MATCAP1: variants seen among roughly 807,000 people sequenced by gnomAD.
The protein encoded by MATCAP1 is microtubule associated tyrosine carboxypeptidase 1.
chr16:67,180,842 G>T, the MATCAP1 span, among the ~76,000 whole-genome samples: 1 of 152,192 alleles, frequency 6.6e-6, no homozygotes, highest in African/African-American at 2.4e-5. Flanking sequence ...AATATGCTGG[G>T]CCGGAAGAAA....
chr16:67,177,927 G>A, the MATCAP1 span: 3 of 1,273,706 alleles, frequency 2.4e-6, no homozygotes, highest in Non-Finnish European at 3.4e-6. Context: ...CCAGCCCTCG[G>A]TCTAGCACCA....
the MATCAP1 span, chr16:67,179,998 T>A: frequency 6.2e-7 from 1 of 1,613,082 alleles, no homozygotes; most frequent in Non-Finnish European, 8.5e-7. This position sits in a 1 kb window ranked among gnomAD's most constrained non-coding sequence, Gnocchi z 5.2. Context: ...GACAAGCCCC[T>A]TGGGTGGTCA....
chr16:67,180,732 T>C, the MATCAP1 span: 1 of 593,814 alleles, frequency 1.7e-6, no homozygotes, highest in Non-Finnish European at 2.7e-6. Flanking sequence ...CAGCAGGCCC[T>C]GTACTCCACA....
chr16:67,179,924 A>G, the MATCAP1 span: 6 of 1,614,090 alleles, frequency 3.7e-6, no homozygotes, highest in Non-Finnish European at 5.1e-6. This position sits in a 1 kb window ranked among gnomAD's most constrained non-coding sequence, Gnocchi z 5.2. Context: ...ATAGGTTCCA[A>G]ACTTCTCCAG....
the MATCAP1 span, chr16:67,179,841 T>C: frequency 1.2e-6 from 2 of 1,614,096 alleles, no homozygotes; most frequent in East Asian, 2.2e-5. The surrounding 1 kb of genome is among the most constrained non-coding windows in gnomAD (Gnocchi z 5.2). Context: ...TCCTTCTGCA[T>C]GTATTTGCGC....
At chr16:67,175,846 C>T in the MATCAP1 span, 1 of 152,222 alleles carries the variant, frequency 6.6e-6, no homozygotes, top group East Asian at 1.9e-4. Flanking sequence ...CTCTGCACCT[C>T]ACCTGGTCTA....
the MATCAP1 span, chr16:67,178,675 GCTC>G: frequency 1.4e-6 from 1 of 726,746 alleles, no homozygotes. Context: ...GCAGCGTGAA[GCTC>G]CTCCTCCTGT....
the MATCAP1 span, chr16:67,176,954 G>T: frequency 6.3e-7 from 1 of 1,580,728 alleles, no homozygotes; most frequent in Middle Eastern, 1.7e-4. The surrounding 1 kb of genome is among the most constrained non-coding windows in gnomAD (Gnocchi z 4.3). Context: ...GGCCGCAGGT[G>T]GTCCACATCC....
chr16:67,176,724 G>A, the MATCAP1 span: 116 of 1,287,884 alleles, frequency 9.0e-5, no homozygotes, highest in East Asian at 1.9e-3. This position sits in a 1 kb window ranked among gnomAD's most constrained non-coding sequence, Gnocchi z 4.3. Context: ...CACCTAGGCC[G>A]TGGACGCACA....
the MATCAP1 span, among the ~76,000 whole-genome samples, chr16:67,182,480 C>A: frequency 6.6e-6 from 1 of 152,224 alleles, no homozygotes; most frequent in East Asian, 1.9e-4. Flanking sequence ...GCTCAGACTT[C>A]TTCCATAAAC....
At chr16:67,178,577 C>G in the MATCAP1 span, 3 of 1,316,896 alleles carry the variant, frequency 2.3e-6, no homozygotes, top group Non-Finnish European at 3.2e-6. Flanking sequence ...AGCCCTGGCC[C>G]TGTTCCATCT....
the MATCAP1 span, chr16:67,179,838 G>C: frequency 6.2e-7 from 1 of 1,614,234 alleles, no homozygotes; most frequent in Non-Finnish European, 8.5e-7. This position sits in a 1 kb window ranked among gnomAD's most constrained non-coding sequence, Gnocchi z 5.2. Context: ...CCCTCCTTCT[G>C]CATGTATTTG....
the MATCAP1 span, chr16:67,176,246 G>A: frequency 2.0e-5 from 3 of 152,848 alleles, no homozygotes; most frequent in East Asian, 3.8e-4. The surrounding 1 kb of genome is among the most constrained non-coding windows in gnomAD (Gnocchi z 4.3). Context: ...TATAAATATG[G>A]AATAAATACA....
At chr16:67,178,210 G>C in the MATCAP1 span, 1 of 1,540,128 alleles carries the variant, frequency 6.5e-7, no homozygotes, top group Non-Finnish European at 8.8e-7. Context: ...TGGCAGCGAG[G>C]TGTCGGTCTG....
At chr16:67,178,445 G>C in the MATCAP1 span, 1 of 1,535,946 alleles carries the variant, frequency 6.5e-7, no homozygotes, top group South Asian at 1.2e-5. Flanking sequence ...TACCGCAGCC[G>C]GCCCTCCGCG....
chr16:67,179,172 C>T, the MATCAP1 span: 13 of 1,295,088 alleles, frequency 1.0e-5, no homozygotes, highest in African/African-American at 3.0e-5. This position sits in a 1 kb window ranked among gnomAD's most constrained non-coding sequence, Gnocchi z 5.2. Flanking sequence ...TGGGAGAAGT[C>T]GGAGAGGAAG....
At chr16:67,181,177 C>A in the MATCAP1 span, among the ~76,000 whole-genome samples, 1 of 152,236 alleles carries the variant, frequency 6.6e-6, no homozygotes, top group African/African-American at 2.4e-5. Flanking sequence ...GCAGCTTCAG[C>A]TGCCTGGGCA....
At chr16:67,178,596 C>G in the MATCAP1 span, 1 of 1,162,564 alleles carries the variant, frequency 8.6e-7, no homozygotes, top group African/African-American at 1.5e-5. Flanking sequence ...CTGGCCGGGG[C>G]TCTGGCCGCG....
the MATCAP1 span, chr16:67,180,441 A>G: frequency 6.2e-7 from 1 of 1,610,540 alleles, no homozygotes; most frequent in East Asian, 2.2e-5. Flanking sequence ...CTGGGGCTGC[A>G]GCGCTGGGGG....
Sources: allele counts gnomAD v4.1 joint callset (sites outside exome capture counted in the v4.1 genomes callset), GRCh38; gene constraint gnomAD v4.1.1; non-coding constraint Gnocchi (gnomAD v3.1); transcripts MANE v1.5; gene names NCBI Gene and HGNC (gene_info 2026-07-23, HGNC 2026-07-21).